The following CRTAM variants were observed in gnomAD, a reference collection of about 807,000 sequenced individuals.
CRTAM encodes the protein cytotoxic and regulatory T cell molecule, also known as cytotoxic and regulatory T-cell molecule.
CRTAM carries 44 observed loss-of-function variants against 50.0 expected under a neutral mutation model. The observed-to-expected ratio is 0.88, with a 90% CI of 0.69 to 1.13. CRTAM has a LOEUF of 1.13. CRTAM is among the 50% of genes most tolerant of loss of function. The pLI, the probability that CRTAM is intolerant of heterozygous loss-of-function variation, is 0.00. For synonymous variants in CRTAM, 159 were observed against 169.3 expected (o/e 0.94, Z 0.47); for missense variants, 448 against 457.5 (o/e 0.98, Z 0.19).
rs368434974 is a variant in CRTAM at position 122,864,663 on chromosome 11, C to T, written c.761C>T (p.Ser254Leu). The T allele has an allele frequency of 1.0e-4, 163 of 1,613,388 alleles. No homozygotes were observed. Among genetic ancestry groups the T allele is most frequent in the Non-Finnish European group, 1.3e-4 (155 of 1,179,556 alleles). The change falls in exon 7 of 10, where the codon TCG becomes TTG. Residue 254 changes from serine (S) to leucine (L), a missense_variant. Coordinates refer to ENST00000227348, the MANE Select transcript of CRTAM (RefSeq NM_019604.4). ...TVSVTEDSST[S>L]EIDKEEKEQT... ...TCAGTAACGGAAGATTCTAGTACAT[C>T]GGAGATTGACAAGGAAGAGAAAGAA... is the stretch of plus-strand genomic sequence containing the variant.
rs1862249594 is a variant in CRTAM, at chr11:122,871,316, G to A, written c.1099G>A (p.Glu367Lys). 1.2e-6 allele frequency: 2 copies of A among 1,613,638 alleles called. No homozygotes were observed. The highest frequency in any genetic ancestry group is 8.5e-7 in the Non-Finnish European group (1 of 1,179,810). The change falls in exon 10 of 10, where the codon GAA becomes AAA. Residue 367 changes from glutamate (E) to lysine (K), a missense_variant. Glu to Lys is a moderately conservative substitution (Grantham distance 56). Transcript: ENST00000227348. ...CMNYITKLYS[E>K]AKTKRKENVQ... ...GAACTACATCACAAAGTTGTACTCA[G>A]AAGCAAAAACAAAGAGGAAGGAAAA...
At chr11:122,848,580 T>C (rs1324815234) in intron 1 of CRTAM, among the ~76,000 whole-genome samples, 1 of 152,224 alleles carries the variant, frequency 6.6e-6, no homozygotes, top group Non-Finnish European at 1.5e-5. Context: ...TTATTTCTGC[T>C]AGAGGCTAGA....
intron 6 of CRTAM, 49 bp from the exon 7 acceptor site, chr11:122,864,587 C>T (rs1432847065): frequency 7.5e-7 from 1 of 1,331,684 alleles, no homozygotes; most frequent in Non-Finnish European, 1.1e-6. Context: ...TATGTAGTCA[C>T]ATGTATATAA....
intron 5 of CRTAM, among the ~76,000 whole-genome samples, chr11:122,859,441 G>C (rs1278596447): frequency 7.0e-6 from 1 of 143,654 alleles, no homozygotes; most frequent in African/African-American, 2.6e-5. Context: ...GAAAAAAAAA[G>C]TATATTTTGT....
Position 122,861,838 on chromosome 11 carries a change from T to C in CRTAM, c.653-626T>C, listed in dbSNP as rs1035612472. On this transcript the variant is annotated intron_variant, in intron 5 of 9. Transcript: ENST00000227348. ...CCTGTTCAATGACTGGTAAAACCTA[T>C]ACTAGGCTGACCCTCTGGAAACATT... Among the ~76,000 whole-genome samples, 7 of 152,272 alleles carry C rather than the reference T, an allele frequency of 4.6e-5. No individual in the cohort carries two copies. In the South Asian group the frequency reaches 6.2e-4, roughly 14 times the overall value.
chr11:122,856,241 T>C (rs1591353018), intron 5 of CRTAM, among the ~76,000 whole-genome samples: 1 of 152,272 alleles, frequency 6.6e-6, no homozygotes, highest in African/African-American at 2.4e-5. Flanking sequence ...ATTGTCAATA[T>C]CATTTTATGT....
intron 1 of CRTAM, among the ~76,000 whole-genome samples, chr11:122,847,161 A>G (rs1207232814): frequency 1.3e-5 from 2 of 152,086 alleles, no homozygotes; most frequent in African/African-American, 4.8e-5. Flanking sequence ...TCCTGTTTTT[A>G]TGGTAAGGAA....
chr11:122,867,585 A>G (rs373967425), intron 8 of CRTAM, 30 bp downstream of exon 8: 7 of 1,600,762 alleles, frequency 4.4e-6, no homozygotes, highest in Non-Finnish European at 6.0e-6. Context: ...GACGGGGGCT[A>G]TAAGACGCCA....
At chr11:122,871,209 A>C in intron 9 of CRTAM, 60 bp from the exon 10 acceptor site, 1 of 1,481,636 alleles carries the variant, frequency 6.7e-7, no homozygotes. Context: ...AAGTGTTTCA[A>C]GTAAATGGGT....
intron 6 of CRTAM, 60 bp from the exon 7 acceptor site, chr11:122,864,576 G>T: frequency 8.6e-7 from 1 of 1,161,232 alleles, no homozygotes. Flanking sequence ...AACTACAGTT[G>T]TATGTAGTCA....
At chr11:122,845,965 C>T (rs745965202) in intron 1 of CRTAM, among the ~76,000 whole-genome samples, 14 of 151,886 alleles carry the variant, frequency 9.2e-5, no homozygotes, top group Non-Finnish European at 1.6e-4. Flanking sequence ...GCTAGGATTA[C>T]AGGTGTGAGC....
chr11:122,851,623 T>A, intron 2 of CRTAM, 70 bp from the exon 3 acceptor site: 1 of 1,416,476 alleles, frequency 7.1e-7, no homozygotes, highest in African/African-American at 1.4e-5. Context: ...GCTTCTGGCA[T>A]CTACTGGGTA....
At chr11:122,859,704 AAGT>A (rs1200873085) in intron 5 of CRTAM, among the ~76,000 whole-genome samples, 2 of 152,182 alleles carry the variant, frequency 1.3e-5, no homozygotes, top group Admixed American at 1.3e-4. Context: ...AAAACTCAAC[AAGT>A]AGTAGTTTCT....
chr11:122,853,832 A>AT lies in CRTAM; in HGVS notation c.347-109dup, dbSNP rs1861967292. The AT allele has an allele frequency of 4.3e-6, 4 of 940,054 alleles. No individual in the cohort carries two copies. In the South Asian group the frequency reaches 1.1e-4, roughly 25 times the overall value. The allele number at this position is 940,054 out of a possible 1,614,324, so 58.2% of individuals were successfully genotyped here. A position where few individuals can be genotyped will look rare whatever the true frequency, so the allele number is the denominator to read the frequency against. On this transcript the variant is annotated intron_variant, in intron 3 of 9. Transcript: ENST00000227348. ...AAGTCTAAAAAAAAAAAGAAAGCCC[A>AT]TTAATTAGAGTATACCCTATAACAA...
At chr11:122,847,187 T>C (rs1450638277) in intron 1 of CRTAM, among the ~76,000 whole-genome samples, 1 of 152,212 alleles carries the variant, frequency 6.6e-6, no homozygotes, top group Non-Finnish European at 1.5e-5. Context: ...CACACTTAAA[T>C]TGCCTAAGTT....
At position 122,853,921 on chromosome 11, in the gene CRTAM, A is replaced by T. The variant is rs777653262; in HGVS notation, c.347-22A>T. 2.5e-6 allele frequency: 4 copies of T among 1,611,890 alleles called. No individual in the cohort carries two copies. In the Admixed American group the frequency reaches 6.7e-5, roughly 27 times the overall value. On this transcript the variant is annotated intron_variant, in intron 3 of 9. Coordinates refer to ENST00000227348, the MANE Select transcript of CRTAM (RefSeq NM_019604.4). ...ATGCAGACTCATATCTAATTAACAC[A>T]GAAAAATCCATTTTGTTCTAGCAAC...
intron 5 of CRTAM, among the ~76,000 whole-genome samples, chr11:122,860,268 T>C (rs570337595): frequency 2.6e-5 from 4 of 152,156 alleles, no homozygotes; most frequent in Non-Finnish European, 5.9e-5. Context: ...CAGGCTGGTC[T>C]TGAACTCCCG....
At chr11:122,843,612 T>C (rs530889097) in intron 1 of CRTAM, among the ~76,000 whole-genome samples, 6 of 152,284 alleles carry the variant, frequency 3.9e-5, no homozygotes, top group African/African-American at 9.6e-5. Context: ...GGGATGTACA[T>C]GTCTCTAGAG....
intron 3 of CRTAM, 133 bp from the exon 4 acceptor site, chr11:122,853,810 T>G: frequency 1.3e-6 from 1 of 762,168 alleles, no homozygotes; most frequent in Non-Finnish European, 1.9e-6. Context: ...GGAGACTAAG[T>G]CTAAAAAAAA....
Sources: allele counts gnomAD v4.1 joint callset (sites outside exome capture counted in the v4.1 genomes callset), GRCh38; gene constraint gnomAD v4.1.1; transcripts MANE v1.5; gene names NCBI Gene and HGNC (gene_info 2026-07-23, HGNC 2026-07-21).